The following PCNT variants were observed in gnomAD, a reference collection of about 807,000 sequenced individuals.
The protein encoded by PCNT is pericentrin.
PCNT carries 319 observed loss-of-function variants against 380.4 expected under a neutral mutation model. The observed-to-expected ratio is 0.84, with a 90% CI of 0.77 to 0.92. PCNT has a LOEUF of 0.92. PCNT is among the 40% of genes least tolerant of loss of function. The probability of loss-of-function intolerance (pLI) is 0.00; values close to 1 mark genes in which losing one functional copy is unlikely to be tolerated. For missense variants in PCNT, 4,400 were observed against 4,255.3 expected (o/e 1.03, Z -0.95); for synonymous variants, 1,845 against 1,735.2 (o/e 1.06, Z -1.57).
chr21:46,437,498 C>T (rs537089233), intron 40 of PCNT, among the ~76,000 whole-genome samples: 2 of 152,334 alleles, frequency 1.3e-5, no homozygotes, highest in African/African-American at 4.8e-5. Context: ...TTCACCTCCA[C>T]CTGGCCCAGC....
intron 1 of PCNT, among the ~76,000 whole-genome samples, chr21:46,325,537 A>T (rs1272517645): frequency 6.6e-6 from 1 of 152,234 alleles, no homozygotes; most frequent in Non-Finnish European, 1.5e-5. Context: ...TATTTCCTTG[A>T]GAGACCATTT....
chr21:46,371,995 ACACACACACAGCACATG>A (rs994949492), intron 15 of PCNT, among the ~76,000 whole-genome samples: 1 of 150,760 alleles, frequency 6.6e-6, no homozygotes, highest in Non-Finnish European at 1.5e-5. Context: ...CAGCACATGC[ACACACACACAGCACATG>A]CACACACACA....
intron 29 of PCNT, among the ~76,000 whole-genome samples, chr21:46,413,930 G>A (rs559247292): frequency 9.9e-5 from 15 of 152,102 alleles, no homozygotes; most frequent in Admixed American, 6.5e-4. Context: ...GGAAACACCT[G>A]CGCAGGAGCT....
chr21:46,365,693 C>G (rs1474183253), intron 14 of PCNT, among the ~76,000 whole-genome samples: 4 of 104,170 alleles, frequency 3.8e-5, no homozygotes, highest in Non-Finnish European at 3.9e-5. Flanking sequence ...TGGGGTTCTC[C>G]TCACTGCTGT....
At chr21:46,420,116 G>A (rs1185855405) in intron 31 of PCNT, among the ~76,000 whole-genome samples, 1 of 151,734 alleles carries the variant, frequency 6.6e-6, no homozygotes, top group Middle Eastern at 3.4e-3. Context: ...GGGCCTGCGC[G>A]GTCAGGGTGT....
chr21:46,411,835 G>A lies in PCNT; in HGVS notation c.5762G>A (p.Trp1921Ter). Reference sequence around the variant, plus strand: ...GGGGCGGCGCCTCCCGAGCTGCAGTGGCTCCGAGCGCAGTGTGCCCGCCTC... The same window carrying A: ...GGGGCGGCGCCTCCCGAGCTGCAGTAGCTCCGAGCGCAGTGTGCCCGCCTC... ...AAGAAPPELQ[W>*]LRAQCARLSR... The change falls in exon 28 of 47, where the codon TGG (tryptophan) becomes TAG (stop). Residue 1921 changes from tryptophan to a stop codon, truncating the protein, a stop_gained. Coordinates refer to ENST00000359568, the MANE Select transcript of PCNT (RefSeq NM_006031.6). LOFTEE classifies it high-confidence loss of function. 6.4e-7 allele frequency: 1 copy of A among 1,563,108 alleles called. No homozygotes were observed. Among genetic ancestry groups the A allele is most frequent in the Non-Finnish European group, 8.6e-7 (1 of 1,159,776 alleles).
At chr21:46,442,661 T>C in intron 44 of PCNT, 88 bp downstream of exon 44, 1 of 862,608 alleles carries the variant, frequency 1.2e-6, no homozygotes, top group Non-Finnish European at 2.0e-6. Context: ...TTTTTCAGTG[T>C]TGATGGGGAC....
intron 32 of PCNT, among the ~76,000 whole-genome samples, chr21:46,422,740 CT>C (rs1177334289): frequency 2.0e-5 from 3 of 152,160 alleles, no homozygotes; most frequent in Admixed American, 2.0e-4. Context: ...AGTGAAACCT[CT>C]TCTGAGACTG....
At chr21:46,346,637 C>T in intron 4 of PCNT, 106 bp from the exon 5 acceptor site, 1 of 1,396,214 alleles carries the variant, frequency 7.2e-7, no homozygotes, top group Non-Finnish European at 9.8e-7. Context: ...TCTGCTGTTT[C>T]ATTTTCTGTG....
intron 27 of PCNT, among the ~76,000 whole-genome samples, chr21:46,409,202 T>TTTG (rs1294388487): frequency 1.3e-5 from 2 of 150,066 alleles, no homozygotes; most frequent in Non-Finnish European, 1.5e-5. Context: ...TTTTTTTTTT[T>TTTG]TTTTTTGACA....
chr21:46,417,338 G>A (rs1167548498), intron 30 of PCNT, among the ~76,000 whole-genome samples: 1 of 151,802 alleles, frequency 6.6e-6, no homozygotes, highest in Non-Finnish European at 1.5e-5. Context: ...GGGACTACAG[G>A]CACACGCCAC....
rs751217064 is a variant in PCNT at position 46,324,234 on chromosome 21, A to C, written c.6A>C (p.Glu2Asp). The C allele has an allele frequency of 3.7e-6, 6 of 1,611,786 alleles. No homozygotes were observed. The South Asian group carries it at 6.6e-5, about 18-fold the overall frequency. The change falls in exon 1 of 47, where the codon GAA becomes GAC. Residue 2 changes from glutamate to aspartate, a missense_variant. Transcript: ENST00000359568. The stretch of plus-strand genomic sequence containing the variant: ...CCGCGCGGAGTCTGAGGGAGATGGA[A>C]GTTGAGCAAGAGCAGCGGCGCAGAA... M[E>D]VEQEQRRRKV...
Position 46,416,648 on chromosome 21 carries a change from G to T in PCNT, c.6730G>T (p.Val2244Leu), listed in dbSNP as rs770515274. The change falls in exon 30 of 47, where the codon GTG becomes TTG. Residue 2244 changes from valine (V) to leucine (L), a missense_variant. By Grantham distance (32) the Val-to-Leu change is conservative (BLOSUM62 1). Transcript: ENST00000359568. The stretch of plus-strand genomic sequence containing the variant: ...CCTGGAGCCCTGGCCCAGCCTCCCC[G>T]TGACACCCCACTCAGGAGCCCTGAG... ...WTLEPWPSLP[V>L]TPHSGALSLC... 1 of 1,565,732 alleles carries T rather than the reference G, an allele frequency of 6.4e-7. No individual in the cohort carries two copies. The highest frequency in any genetic ancestry group is 8.6e-7 in the Non-Finnish European group (1 of 1,157,504).
At chr21:46,381,206 GTGTGTGTGTGTGTGTGT>G (rs2085526086) in intron 15 of PCNT, among the ~76,000 whole-genome samples, 1 of 42,950 alleles carries the variant, frequency 2.3e-5, no homozygotes, top group Admixed American at 1.9e-4. Context: ...CTGTGTGTGT[GTGTGTGTGTGTGTGTGT>G]GTGTGTGTGT....
chr21:46,392,070 G>C (rs2086052601), intron 21 of PCNT, among the ~76,000 whole-genome samples: 1 of 152,188 alleles, frequency 6.6e-6, no homozygotes, highest in African/African-American at 2.4e-5. Flanking sequence ...AGCCAATTCA[G>C]AAGTCTCATT....
Position 46,430,178 on chromosome 21 carries a change from G to A in PCNT, c.7859G>A (p.Ser2620Asn), listed in dbSNP as rs775097532. The A allele has an allele frequency of 4.3e-6, 7 of 1,614,104 alleles. No individual in the cohort carries two copies. The South Asian group carries it at 6.6e-5, about 15-fold the overall frequency. ...GACCTCTGTGAGAGCAGGCAGAAGAGCGAACAGCTGTCCCGGTCCCTCTGC... is the reference window on the plus strand; with the variant it reads ...GACCTCTGTGAGAGCAGGCAGAAGAACGAACAGCTGTCCCGGTCCCTCTGC... ...KSDLCESRQK[S>N]EQLSRSLCEV... The change falls in exon 36 of 47, where the codon AGC becomes AAC. Residue 2620 changes from serine (S) to asparagine (N), a missense_variant. Physicochemically the swap from Ser to Asn is conservative, Grantham distance 46. Transcript: ENST00000359568.
Position 46,402,390 on chromosome 21 carries a change from A to T in PCNT, c.5022A>T (p.Glu1674Asp). The T allele has an allele frequency of 6.2e-7, 1 of 1,612,872 alleles. No individual in the cohort carries two copies. Among genetic ancestry groups the T allele is most frequent in the Non-Finnish European group, 8.5e-7 (1 of 1,178,820 alleles). Residue 1674 changes from glutamate to aspartate, a missense_variant, in exon 27 of 47, where the codon GAA (glutamate) becomes GAT (aspartate). Physicochemically the swap from Glu to Asp is conservative, Grantham distance 45. Transcript: ENST00000359568. Reference sequence around the variant, plus strand: ...AAGGTGACTTAGAAAGTAAAAATGAAGAAATACTACATCTGAACTTAAAAT... The same window carrying T: ...AAGGTGACTTAGAAAGTAAAAATGATGAAATACTACATCTGAACTTAAAAT... ...KMKGDLESKNEEILHLNLKLD... is the reference protein window; with the variant it reads ...KMKGDLESKNDEILHLNLKLD...
intron 15 of PCNT, among the ~76,000 whole-genome samples, chr21:46,375,907 C>T (rs1361247154): frequency 6.6e-6 from 1 of 152,242 alleles, no homozygotes; most frequent in Admixed American, 6.5e-5. Flanking sequence ...GGGTGCGAGG[C>T]GGTACCTGCG....
intron 26 of PCNT, 133 bp from the exon 27 acceptor site, chr21:46,402,192 GGGTACA>G: frequency 1.7e-6 from 1 of 599,314 alleles, no homozygotes. Context: ...ATTTGTGTGC[GGGTACA>G]GGTACAGGGT....
Sources: gnomAD v4.1 joint callset for allele counts (sites outside exome capture counted in the v4.1 genomes callset) on GRCh38, gnomAD v4.1.1 for gene constraint, MANE v1.5 for transcripts, NCBI Gene and HGNC (gene_info 2026-07-23, HGNC 2026-07-21) for gene names.